The following THRB variants were observed in gnomAD, a reference collection of about 807,000 sequenced individuals.
THRB encodes the protein nuclear receptor subfamily 1 group A member 2.
In THRB, 12 loss-of-function variants were observed where a neutral mutation model predicts 47.8. The ratio of observed to expected loss-of-function variants is 0.25; its 90% confidence interval spans 0.16 to 0.41. The LOEUF (loss-of-function observed/expected upper bound fraction) is 0.41, where lower values mean the gene tolerates loss of function less well. Ranked by LOEUF, THRB falls within the 10% of genes least tolerant of loss-of-function variation. The pLI, the probability that THRB is intolerant of heterozygous loss-of-function variation, is 1.00. For missense variants in THRB, 348 were observed against 589.2 expected, an observed-to-expected ratio of 0.59 and a Z score of 4.24; for synonymous variants, 218 against 212.2, an observed-to-expected ratio of 1.03 and a Z score of -0.24.
At chr3:24,210,856 T>C (rs2045948367) in intron 4 of THRB, among the ~76,000 whole-genome samples, 1 of 151,808 alleles carries the variant, frequency 6.6e-6, no homozygotes, top group African/African-American at 2.4e-5. Context: ...ATCAATGGAG[T>C]TTTTGGGAGG....
intron 4 of THRB, among the ~76,000 whole-genome samples, chr3:24,204,771 T>C (rs547464887): frequency 1.5e-4 from 23 of 152,150 alleles, no homozygotes; most frequent in Non-Finnish European, 3.2e-4. Flanking sequence ...ATTAGACGAA[T>C]GGCTAACTAC....
intron 9 of THRB, 105 bp from the exon 10 acceptor site, chr3:24,127,862 A>G: frequency 7.6e-7 from 1 of 1,323,512 alleles, no homozygotes; most frequent in East Asian, 2.3e-5. Context: ...TGTGATTAAC[A>G]TTTGTCCTGC....
In THRB at chr3:24,357,378, A is replaced by AAAAAAAAAAAAAAC. The variant is rs1560011027; in HGVS notation, c.-260-20008_-260-20007insGTTTTTTTTTTTTT. On this transcript the variant is annotated intron_variant, in intron 1 of 10. Coordinates refer to ENST00000646209, the MANE Select transcript of THRB (RefSeq NM_001354712.2). ...AAAAAAAAAAAAAAAAAAAAAACAA[A>AAAAAAAAAAAAAAC]AAACAAACAAACAAAAAAACACCAA... is the stretch of plus-strand genomic sequence containing the variant. Among the ~76,000 whole-genome samples, 28 of 141,192 alleles carry AAAAAAAAAAAAAAC rather than the reference A, an allele frequency of 2.0e-4. 2 individuals carry two copies. Among genetic ancestry groups the AAAAAAAAAAAAAAC allele is most frequent in the African/African-American group, 7.1e-4 (24 of 33,608 alleles). 92.6% of individuals were successfully genotyped at this position (141,192 alleles called of 152,430 possible). A position where few individuals can be genotyped will look rare whatever the true frequency, so the allele number is the denominator to read the frequency against.
In THRB at chr3:24,120,852, A is replaced by G. The variant is rs925201987; in HGVS notation, c.*2032T>C. ...TTCCTTTCTCTGGGTAACAAGTTCCATAGCAATGTTCTTGTTTCCTTTTTC... is the reference window on the plus strand; with the variant it reads ...TTCCTTTCTCTGGGTAACAAGTTCCGTAGCAATGTTCTTGTTTCCTTTTTC... On this transcript the variant is annotated 3_prime_UTR_variant, in exon 11 of 11. Coordinates refer to ENST00000646209, the MANE Select transcript of THRB (RefSeq NM_001354712.2). 12 of 152,224 alleles carry G rather than the reference A, an allele frequency of 7.9e-5. No homozygotes were observed. The highest frequency in any genetic ancestry group is 1.6e-4 in the Non-Finnish European group (11 of 68,038). The allele number at this position is 152,224 out of a possible 1,614,324, so 9.4% of individuals were successfully genotyped here.
intron 4 of THRB, among the ~76,000 whole-genome samples, chr3:24,201,033 G>A (rs904596482): frequency 6.6e-6 from 1 of 152,120 alleles, no homozygotes; most frequent in South Asian, 2.1e-4. Context: ...GTAAAGAGGG[G>A]AGAATTAAAT....
intron 1 of THRB, among the ~76,000 whole-genome samples, chr3:24,390,935 G>A (rs1024231773): frequency 6.6e-6 from 1 of 151,862 alleles, no homozygotes; most frequent in Non-Finnish European, 1.5e-5. Flanking sequence ...GGATGATTTT[G>A]GCAGATCTAA....
intron 9 of THRB, among the ~76,000 whole-genome samples, chr3:24,128,357 A>G (rs2033266687): frequency 6.6e-6 from 1 of 152,200 alleles, no homozygotes; most frequent in African/African-American, 2.4e-5. Flanking sequence ...AGCAGAATTC[A>G]GACCTCCTGA....
At chr3:24,228,543 A>G in intron 4 of THRB, among the ~76,000 whole-genome samples, 1 of 151,526 alleles carries the variant, frequency 6.6e-6, no homozygotes, top group East Asian at 1.9e-4. Context: ...GAGGTGGGAG[A>G]ATCACTTGAG....
intron 2 of THRB, among the ~76,000 whole-genome samples, chr3:24,297,783 G>T (rs1056931219): frequency 6.6e-6 from 1 of 152,148 alleles, no homozygotes; most frequent in South Asian, 2.1e-4. Flanking sequence ...GGATGCTCGG[G>T]TCACACATCC....
chr3:24,456,078 CA>C lies in THRB; in HGVS notation c.-261+38573del, dbSNP rs370387505. On this transcript the variant is annotated intron_variant, in intron 1 of 10. Transcript: ENST00000646209. ...GCATGATGGCTCATGCCTATTATCC[CA>C]GCACTTTGGGAGGCCAAGGCAGGAG... is the stretch of plus-strand genomic sequence containing the variant. Among the ~76,000 whole-genome samples the C allele has an allele frequency of 5.5e-4, 83 of 152,230 alleles. No individual in the cohort carries two copies. The South Asian group carries it at 0.016, about 29-fold the overall frequency.
chr3:24,290,411 T>C (rs543791786), intron 3 of THRB, among the ~76,000 whole-genome samples: 3 of 152,298 alleles, frequency 2.0e-5, no homozygotes, highest in Non-Finnish European at 4.4e-5. Flanking sequence ...ACGGGAGACA[T>C]CTTATAAACA....
intron 1 of THRB, among the ~76,000 whole-genome samples, chr3:24,390,132 A>G (rs1577262371): frequency 6.6e-6 from 1 of 152,238 alleles, no homozygotes; most frequent in East Asian, 1.9e-4. Context: ...CCCACTGATG[A>G]CAACATGCCA....
intron 4 of THRB, among the ~76,000 whole-genome samples, chr3:24,196,544 C>T (rs537867473): frequency 6.6e-6 from 1 of 152,164 alleles, no homozygotes; most frequent in Non-Finnish European, 1.5e-5. Context: ...CCTTGCCTTA[C>T]TCTCCAAACT....
At chr3:24,138,239 ACT>A (rs983406980) in intron 8 of THRB, among the ~76,000 whole-genome samples, 1 of 151,526 alleles carries the variant, frequency 6.6e-6, no homozygotes, top group African/African-American at 2.4e-5. Context: ...GCCAGATGGG[ACT>A]CTCACTTCTT....
chr3:24,287,676 G>T (rs2150936797), intron 3 of THRB, among the ~76,000 whole-genome samples: 1 of 152,256 alleles, frequency 6.6e-6, no homozygotes, highest in South Asian at 2.1e-4. Context: ...TCTTTATTAT[G>T]ACAGCATTCT....
At chr3:24,442,828 A>G (rs1315317600) in intron 1 of THRB, among the ~76,000 whole-genome samples, 1 of 150,870 alleles carries the variant, frequency 6.6e-6, no homozygotes, top group Non-Finnish European at 1.5e-5. Context: ...CCGTCTCAAA[A>G]AAAAAAAAAA....
intron 8 of THRB, among the ~76,000 whole-genome samples, chr3:24,140,962 C>T (rs1230630254): frequency 6.6e-6 from 1 of 152,204 alleles, no homozygotes; most frequent in African/African-American, 2.4e-5. Context: ...GATTGGCTGA[C>T]AGAAATGAAG....
chr3:24,271,045 C>T (rs2053269033), intron 3 of THRB, among the ~76,000 whole-genome samples: 2 of 152,080 alleles, frequency 1.3e-5, no homozygotes, highest in South Asian at 4.1e-4. Flanking sequence ...CATAGCCCTC[C>T]CTAGGCATGT....
intron 5 of THRB, among the ~76,000 whole-genome samples, chr3:24,186,433 G>T (rs965112186): frequency 6.6e-6 from 1 of 151,862 alleles, no homozygotes; most frequent in South Asian, 2.1e-4. Flanking sequence ...TGGAAAGAGC[G>T]GGTGTGGGTG....
Sources: gnomAD v4.1 joint callset for allele counts (sites outside exome capture counted in the v4.1 genomes callset) on GRCh38, gnomAD v4.1.1 for gene constraint, MANE v1.5 for transcripts, NCBI Gene and HGNC (gene_info 2026-07-23, HGNC 2026-07-21) for gene names.